The following ACER2 variants were observed in gnomAD, a reference collection of about 807,000 sequenced individuals.
ACER2 encodes the protein alkaline ceramidase 2.
A neutral mutation model predicts 34.7 loss-of-function variants in ACER2; 26 were observed. That is an observed-to-expected ratio of 0.75 (90% CI 0.55 to 1.04). The LOEUF (loss-of-function observed/expected upper bound fraction) is 1.04. ACER2 is among the 50% of genes least tolerant of loss of function. The pLI is 0.00. For synonymous variants in ACER2, 138 were observed against 132.1 expected (o/e 1.04, Z -0.31); for missense variants, 352 against 340.8 (o/e 1.03, Z -0.26).
chr9:19,409,637 C>T (rs1471863531), intron 1 of ACER2: 4 of 598,922 alleles, frequency 6.7e-6, no homozygotes, highest in Admixed American at 6.3e-5. Context: ...GAAGAGCACG[C>T]CCCCCGCAGG....
At chr9:19,422,560 G>C (rs564138428) in intron 1 of ACER2, among the ~76,000 whole-genome samples, 2 of 152,142 alleles carry the variant, frequency 1.3e-5, no homozygotes, top group Non-Finnish European at 2.9e-5. Flanking sequence ...TGGGAAAGCT[G>C]ACAAAGGGCA....
intron 3 of ACER2, among the ~76,000 whole-genome samples, chr9:19,430,222 A>T (rs1026930996): frequency 6.3e-4 from 93 of 148,222 alleles, no homozygotes; most frequent in African/African-American, 2.1e-3. Context: ...AGGCTTGAAA[A>T]CCACTACTTT....
intron 3 of ACER2, among the ~76,000 whole-genome samples, chr9:19,428,624 G>C (rs1268480965): frequency 6.6e-6 from 1 of 151,790 alleles, no homozygotes; most frequent in Non-Finnish European, 1.5e-5. Context: ...ACCCTGTTTT[G>C]CTTGTCTATA....
intron 1 of ACER2, among the ~76,000 whole-genome samples, chr9:19,419,846 G>T (rs1830348592): frequency 6.6e-6 from 1 of 152,112 alleles, no homozygotes; most frequent in South Asian, 2.1e-4. Flanking sequence ...CCCCACTTAG[G>T]TATTTCAGAC....
At chr9:19,430,788 T>A (rs972418297) in intron 3 of ACER2, among the ~76,000 whole-genome samples, 12 of 152,156 alleles carry the variant, frequency 7.9e-5, no homozygotes, top group African/African-American at 2.9e-4. Context: ...TGAAACCCCA[T>A]CTCTACTAAA....
chr9:19,445,016 C>T (rs989525389), intron 4 of ACER2, among the ~76,000 whole-genome samples: 1 of 152,188 alleles, frequency 6.6e-6, no homozygotes, highest in Non-Finnish European at 1.5e-5. Context: ...CTTTTAACAC[C>T]TGTCTGTGGG....
chr9:19,438,474 G>T (rs534711446), intron 4 of ACER2, among the ~76,000 whole-genome samples: 1 of 152,212 alleles, frequency 6.6e-6, no homozygotes, highest in Non-Finnish European at 1.5e-5. Flanking sequence ...GACCTGGAGG[G>T]ACTGGCTCCT....
At chr9:19,446,211 C>G (rs538303706) in intron 4 of ACER2, 70 bp from the exon 5 acceptor site, 6 of 1,611,384 alleles carry the variant, frequency 3.7e-6, no homozygotes, top group South Asian at 3.3e-5. Context: ...GAAGGAGACA[C>G]AGGAAAGGTG....
rs564468152 is a variant in ACER2, at chr9:19,411,462, G to A, written c.108+2270G>A. On this transcript the variant is annotated intron_variant, in intron 1 of 5. Coordinates refer to ENST00000340967, the MANE Select transcript of ACER2 (RefSeq NM_001010887.3). ...TGCTGTGGTGCGATCTTGGCTCACT[G>A]CGACCTCCACCTCCAGGTTCAAGCG... Among the ~76,000 whole-genome samples the A allele has an allele frequency of 2.0e-4, 31 of 152,214 alleles. 1 individual carries two copies. In the South Asian group the frequency reaches 6.0e-3, roughly 30 times the overall value.
At chr9:19,436,931 G>A (rs903451600) in intron 4 of ACER2, among the ~76,000 whole-genome samples, 2 of 152,200 alleles carry the variant, frequency 1.3e-5, no homozygotes, top group African/African-American at 4.8e-5. Flanking sequence ...ATCTGACACT[G>A]TCAGCCTCCT....
chr9:19,427,334 CAA>C (rs375575650), intron 3 of ACER2, among the ~76,000 whole-genome samples: 63 of 152,182 alleles, frequency 4.1e-4, no homozygotes, highest in African/African-American at 1.5e-3. Context: ...TTTTAATGAG[CAA>C]AGAAATAAAA....
chr9:19,440,884 C>T (rs765505588), intron 4 of ACER2, among the ~76,000 whole-genome samples: 2 of 152,120 alleles, frequency 1.3e-5, no homozygotes, highest in Non-Finnish European at 2.9e-5. Context: ...TTCAACTTGA[C>T]CAAACCCAGA....
intron 1 of ACER2, among the ~76,000 whole-genome samples, chr9:19,423,146 C>G (rs1051094544): frequency 1.3e-5 from 2 of 151,660 alleles, no homozygotes; most frequent in Non-Finnish European, 2.9e-5. Flanking sequence ...GAAAACATAG[C>G]TAGACCATGT....
intron 4 of ACER2, among the ~76,000 whole-genome samples, chr9:19,439,024 T>C (rs886566677): frequency 6.6e-6 from 1 of 152,250 alleles, no homozygotes; most frequent in Middle Eastern, 3.2e-3. Context: ...CAGATTATTA[T>C]GCAGTTTAAA....
intron 3 of ACER2, among the ~76,000 whole-genome samples, chr9:19,433,207 G>A (rs146307656): frequency 7.3e-6 from 1 of 136,708 alleles, no homozygotes; most frequent in Non-Finnish European, 1.5e-5. Flanking sequence ...CACAGAGGGG[G>A]ATTTGGCAGG....
In ACER2 at chr9:19,446,386, A is replaced by G. The variant is rs547361028; in HGVS notation, c.609A>G (p.Ser203=). 3.1e-6 allele frequency: 5 copies of G among 1,614,172 alleles called. No homozygotes were observed. The highest frequency in any genetic ancestry group is 1.1e-5 in the South Asian group (1 of 91,086). ...ACCGAGCTTTCTGCGAGCTGCTGTCATCCTTCAACTTCCCCTACCTGCACT... is the reference window on the plus strand; with the variant it reads ...ACCGAGCTTTCTGCGAGCTGCTGTCGTCCTTCAACTTCCCCTACCTGCACT... ...ISDRAFCELL[S]SFNFPYLHCM... is the part of the protein sequence containing the mutation. Residue 203 remains serine, a synonymous_variant, in exon 5 of 6, where the codon TCA becomes TCG. Transcript: ENST00000340967.
Position 19,450,532 on chromosome 9 carries a change from G to A in ACER2, c.724G>A (p.Gly242Ser). The part of the protein sequence containing the change: ...FDAASEIPEQ[G>S]PVIKFWPNEK... ...TGCTGCCTCAGAGATTCCTGAGCAA[G>A]GCCCTGTCATCAAGTTCTGGCCCAA... The change falls in exon 6 of 6, where the codon GGC (glycine) becomes AGC (serine). Residue 242 changes from glycine to serine, a missense_variant. Physicochemically the swap from Gly to Ser is moderately conservative, Grantham distance 56. Coordinates refer to ENST00000340967, the MANE Select transcript of ACER2 (RefSeq NM_001010887.3). The A allele has an allele frequency of 6.2e-7, 1 of 1,612,628 alleles. No individual in the cohort carries two copies. Among genetic ancestry groups the A allele is most frequent in the Non-Finnish European group, 8.5e-7 (1 of 1,178,820 alleles).
In ACER2 at chr9:19,449,497, A is replaced by G. The variant is rs546279335; in HGVS notation, c.642-953A>G. Among the ~76,000 whole-genome samples the G allele has an allele frequency of 1.1e-3, 166 of 152,246 alleles. 2 individuals carry two copies. Among genetic ancestry groups the G allele is most frequent in the African/African-American group, 3.8e-3 (157 of 41,540 alleles). ...TGCCATACTGGTTTTAAACTTTCAT[A>G]TTGTCACATCTGTTAATCTTTTCTA... On this transcript the variant is annotated intron_variant, in intron 5 of 5. Coordinates refer to ENST00000340967, the MANE Select transcript of ACER2 (RefSeq NM_001010887.3).
intron 4 of ACER2, among the ~76,000 whole-genome samples, chr9:19,436,427 T>C (rs1451897497): frequency 1.3e-5 from 2 of 152,246 alleles, no homozygotes; most frequent in Non-Finnish European, 2.9e-5. Context: ...ACTTGGCTCA[T>C]AGTTTTTATG....
Sources: allele counts gnomAD v4.1 joint callset (sites outside exome capture counted in the v4.1 genomes callset), GRCh38; gene constraint gnomAD v4.1.1; transcripts MANE v1.5; gene names NCBI Gene and HGNC (gene_info 2026-07-23, HGNC 2026-07-21).